Variants in RBM20 observed in about 807,000 individuals in gnomAD.
RBM20 encodes the protein RNA-binding protein 20.
Under a neutral mutation model 110.1 loss-of-function variants are expected in RBM20, and 51 were observed. The ratio of observed to expected loss-of-function variants is 0.46; its 90% CI spans 0.37 to 0.59. RBM20 has a LOEUF of 0.59. Among genes scored for constraint, RBM20 ranks in the 20% least tolerant of loss-of-function variants. The pLI, the probability that RBM20 is intolerant of heterozygous loss-of-function variation, is 0.00. For synonymous variants in RBM20, 589 were observed against 618.2 expected (o/e 0.95, Z 0.70); for missense variants, 1,512 against 1,574.9 (o/e 0.96, Z 0.68).
In RBM20 at chr10:110,737,180, A is replaced by AAAAAAAAAAAAAAAAAAAAC. The variant is rs1564830162; in HGVS notation, c.192-43604_192-43603insAACAAAAAAAAAAAAAAAAA. ...CAAGAAGAGTGAAACTCTGCCTCAA[A>AAAAAAAAAAAAAAAAAAAAC]AAAAAAAAAAAAAAAAACACCCCAC... On this transcript the variant is annotated intron_variant, in intron 1 of 13. Transcript: ENST00000369519. Among the ~76,000 whole-genome samples, 21 of 134,708 alleles carry AAAAAAAAAAAAAAAAAAAAC rather than the reference A, an allele frequency of 1.6e-4. 1 individual carries two copies. Among genetic ancestry groups the AAAAAAAAAAAAAAAAAAAAC allele is most frequent in the African/African-American group, 5.9e-4 (21 of 35,574 alleles). 88.4% of individuals were successfully genotyped at this position (134,708 alleles called of 152,430 possible).
Position 110,830,192 on chromosome 10 carries a change from G to A in RBM20, c.3452-869G>A, listed in dbSNP as rs570983428. On this transcript the variant is annotated intron_variant, in intron 12 of 13. Transcript: ENST00000369519. ...GCTCTTTCCACTCCACTGACTGACC[G>A]TGTCTTCAAAAGGAGAACTGTGACC... Among the ~76,000 whole-genome samples, 507 of 152,292 alleles carry A rather than the reference G, an allele frequency of 3.3e-3. 4 individuals carry two copies. Among genetic ancestry groups the A allele is most frequent in the African/African-American group, 0.011 (470 of 41,558 alleles).
chr10:110,706,080 CA>C (rs11312949), intron 1 of RBM20, among the ~76,000 whole-genome samples: 25,421 of 141,276 alleles, frequency 0.18, 2,322 homozygotes, highest in East Asian at 0.33. Context: ...GACTCCATCT[CA>C]AAAAAAAAAA....
chr10:110,801,842 G>C (rs533464664), intron 7 of RBM20, among the ~76,000 whole-genome samples: 1 of 151,876 alleles, frequency 6.6e-6, no homozygotes, highest in South Asian at 2.1e-4. Flanking sequence ...ACCGTGCCTG[G>C]CCAGTTTATC....
At position 110,791,255 on chromosome 10, in the gene RBM20, T is replaced by G. The variant is rs578163022; in HGVS notation, c.1528-6253T>G. 3.9e-5 allele frequency among the ~76,000 whole-genome samples: 6 copies of G among 152,352 alleles called. No individual in the cohort carries two copies. The South Asian group carries it at 1.2e-3, about 32-fold the overall frequency. The stretch of plus-strand genomic sequence containing the variant: ...AGATAAATATTTGCCATATCTGCTC[T>G]TAGGCATGTTTAGAACAAAACCAGC... On this transcript the variant is annotated intron_variant, in intron 5 of 13. Transcript: ENST00000369519.
At chr10:110,737,102 G>A (rs1366735627) in intron 1 of RBM20, among the ~76,000 whole-genome samples, 2 of 149,156 alleles carry the variant, frequency 1.3e-5, no homozygotes, top group African/African-American at 2.5e-5. Context: ...ACTTGTACCT[G>A]GGAGGCAGAG....
intron 1 of RBM20, among the ~76,000 whole-genome samples, chr10:110,748,336 G>T (rs563837116): frequency 1.3e-5 from 2 of 152,344 alleles, no homozygotes; most frequent in South Asian, 4.1e-4. Flanking sequence ...AGTCAAGCCA[G>T]TGAGCCCTGT....
intron 1 of RBM20, among the ~76,000 whole-genome samples, chr10:110,680,562 G>A (rs1222139310): frequency 1.3e-5 from 2 of 152,198 alleles, no homozygotes; most frequent in Non-Finnish European, 2.9e-5. Context: ...GTTCAGTGGC[G>A]AGCCAGGATT....
At chr10:110,734,618 C>CGTTTTTTTTTTTTTTTTTTTT (rs34824300) in intron 1 of RBM20, among the ~76,000 whole-genome samples, 1 of 136,532 alleles carries the variant, frequency 7.3e-6, no homozygotes. Context: ...AAAATTCCCT[C>CGTTTTTTTTTTTTTTTTTTTT]TTTTTTTTTT....
chr10:110,757,398 C>G (rs528344338), intron 1 of RBM20, among the ~76,000 whole-genome samples: 17 of 152,186 alleles, frequency 1.1e-4, no homozygotes, highest in Admixed American at 3.3e-4. Flanking sequence ...AGTATAATAC[C>G]CTTGCCATTC....
chr10:110,646,635 T>C (rs1418710857), intron 1 of RBM20, among the ~76,000 whole-genome samples: 9 of 152,256 alleles, frequency 5.9e-5, no homozygotes, highest in Non-Finnish European at 1.5e-5. Flanking sequence ...GTGCTCTCCT[T>C]AGTACCCACT....
intron 1 of RBM20, among the ~76,000 whole-genome samples, chr10:110,684,430 A>G (rs1485502456): frequency 2.1e-5 from 3 of 144,780 alleles, no homozygotes; most frequent in Non-Finnish European, 4.6e-5. Flanking sequence ...AAAACAAAAG[A>G]AAAAGAAAAA....
intron 1 of RBM20, among the ~76,000 whole-genome samples, chr10:110,723,849 A>G (rs554576470): frequency 6.6e-6 from 1 of 152,342 alleles, no homozygotes; most frequent in Non-Finnish European, 1.5e-5. Flanking sequence ...TGCACAGGGA[A>G]GGCAGAATTA....
At chr10:110,740,145 C>T (rs1843710737) in intron 1 of RBM20, among the ~76,000 whole-genome samples, 4 of 152,232 alleles carry the variant, frequency 2.6e-5, no homozygotes, top group South Asian at 2.1e-4. Context: ...CAGGGTAGCT[C>T]GCCCCAGAGT....
At chr10:110,735,404 C>T (rs1458085335) in intron 1 of RBM20, among the ~76,000 whole-genome samples, 2 of 152,144 alleles carry the variant, frequency 1.3e-5, no homozygotes, top group Admixed American at 1.3e-4. Flanking sequence ...TACTTAACTT[C>T]GTTTTGACAA....
intron 1 of RBM20, among the ~76,000 whole-genome samples, chr10:110,740,359 T>G (rs1279204984): frequency 6.6e-6 from 1 of 152,192 alleles, no homozygotes; most frequent in Non-Finnish European, 1.5e-5. Context: ...TGTTTTTGAA[T>G]CAGCCAAACC....
At chr10:110,751,357 A>G (rs1299717344) in intron 1 of RBM20, among the ~76,000 whole-genome samples, 1 of 152,230 alleles carries the variant, frequency 6.6e-6, no homozygotes, top group Non-Finnish European at 1.5e-5. Context: ...TCATCTCCAC[A>G]GCATCATTTC....
chr10:110,716,621 A>G (rs547923262), intron 1 of RBM20, among the ~76,000 whole-genome samples: 2 of 152,270 alleles, frequency 1.3e-5, no homozygotes, highest in Non-Finnish European at 2.9e-5. Flanking sequence ...AGTATAGAGT[A>G]AAAGAATTAT....
intron 7 of RBM20, 81 bp downstream of exon 7, chr10:110,799,999 C>G: frequency 1.5e-6 from 2 of 1,326,906 alleles, no homozygotes; most frequent in African/African-American, 2.9e-5. Context: ...GACCTAAACG[C>G]TGGTGGAAAG....
At chr10:110,745,328 G>GCCT (rs1252984241) in intron 1 of RBM20, among the ~76,000 whole-genome samples, 2 of 152,146 alleles carry the variant, frequency 1.3e-5, no homozygotes, top group Non-Finnish European at 2.9e-5. Flanking sequence ...CCAGGCGCCT[G>GCCT]CTGGGTTTGA....
Sources: gnomAD v4.1 joint callset for allele counts (sites outside exome capture counted in the v4.1 genomes callset) on GRCh38, gnomAD v4.1.1 for gene constraint, MANE v1.5 for transcripts, NCBI Gene and HGNC (gene_info 2026-07-23, HGNC 2026-07-21) for gene names.